The following NCOA3 variants were observed in gnomAD, a reference collection of about 807,000 sequenced individuals.
NCOA3 encodes CBP-interacting protein.
Under a neutral mutation model 158.8 loss-of-function variants are expected in NCOA3, and 51 were observed. The observed-to-expected ratio is 0.32, with a 90% CI of 0.26 to 0.41. The LOEUF (loss-of-function observed/expected upper bound fraction) is 0.41, where lower values mean the gene tolerates loss of function less well. Ranked by LOEUF, NCOA3 falls within the 10% of genes least tolerant of loss-of-function variation. The pLI, the probability that NCOA3 is intolerant of heterozygous loss-of-function variation, is 1.00. For synonymous variants in NCOA3, 537 were observed against 592.4 expected (o/e 0.91, Z 1.36); for missense variants, 1,510 against 1,746.6 (o/e 0.86, Z 2.41).
intron 1 of NCOA3, among the ~76,000 whole-genome samples, chr20:47,526,146 C>T (rs2084442930): frequency 2.0e-5 from 3 of 148,914 alleles, no homozygotes; most frequent in South Asian, 2.1e-4. Context: ...GAGGTGCTCC[C>T]CACATCTCAG....
intron 3 of NCOA3, among the ~76,000 whole-genome samples, chr20:47,623,489 T>C (rs561439284): frequency 6.6e-6 from 1 of 152,224 alleles, no homozygotes; most frequent in Admixed American, 6.5e-5. Context: ...TTAGTTTGTT[T>C]ACATATGAAA....
At chr20:47,521,962 G>A (rs2084341630) in intron 1 of NCOA3, among the ~76,000 whole-genome samples, 1 of 151,930 alleles carries the variant, frequency 6.6e-6, no homozygotes, top group African/African-American at 2.4e-5. Flanking sequence ...GCATTGAATC[G>A]GTTGATCAAT....
At chr20:47,639,465 A>G in intron 14 of NCOA3, 112 bp from the exon 15 acceptor site, 1 of 1,403,120 alleles carries the variant, frequency 7.1e-7, no homozygotes, top group Non-Finnish European at 9.7e-7. Flanking sequence ...TCTTACCATG[A>G]CAAAGTGCTG....
intron 2 of NCOA3, among the ~76,000 whole-genome samples, chr20:47,586,377 G>A (rs1275755276): frequency 6.6e-6 from 1 of 151,656 alleles, no homozygotes; most frequent in Non-Finnish European, 1.5e-5. Flanking sequence ...TTCTACCCAC[G>A]TAAACACACA....
At chr20:47,539,992 C>T (rs550441087) in intron 1 of NCOA3, among the ~76,000 whole-genome samples, 2 of 152,214 alleles carry the variant, frequency 1.3e-5, no homozygotes, top group South Asian at 4.2e-4. Flanking sequence ...ATCATGAAAC[C>T]TTCTAGAGTT....
intron 2 of NCOA3, among the ~76,000 whole-genome samples, chr20:47,587,990 T>C (rs1227989390): frequency 1.3e-5 from 2 of 152,256 alleles, no homozygotes; most frequent in East Asian, 3.9e-4. Flanking sequence ...GTTTTTTCAT[T>C]TCACTGCAAT....
Position 47,511,550 on chromosome 20 carries a change from T to TATATATATATATATACATACACACAC in NCOA3, c.-99+9537_-99+9538insATATATATACATACACACACATATAT. ...ATATATATATATATATATATATATA[T>TATATATATATATATACATACACACAC]ATATATTTCTTTTTTTTTTTGAGAC... On this transcript the variant is annotated intron_variant, in intron 1 of 22. Coordinates refer to ENST00000371998, the MANE Select transcript of NCOA3 (RefSeq NM_181659.3). 1.1e-3 allele frequency among the ~76,000 whole-genome samples: 56 copies of TATATATATATATATACATACACACAC among 52,264 alleles called. 1 individual carries two copies. Among genetic ancestry groups the TATATATATATATATACATACACACAC allele is most frequent in the African/African-American group, 2.8e-3 (52 of 18,676 alleles). The allele number at this position is 52,264 out of a possible 152,430, so 34.3% of individuals were successfully genotyped here. A position where few individuals can be genotyped will look rare whatever the true frequency, so the allele number is the denominator to read the frequency against.
At chr20:47,586,871 A>G (rs919090281) in intron 2 of NCOA3, among the ~76,000 whole-genome samples, 1 of 152,236 alleles carries the variant, frequency 6.6e-6, no homozygotes, top group African/African-American at 2.4e-5. Context: ...AGATGGAGTC[A>G]TATGACGTCC....
At chr20:47,587,325 A>G (rs1602443659) in intron 2 of NCOA3, among the ~76,000 whole-genome samples, 1 of 152,384 alleles carries the variant, frequency 6.6e-6, no homozygotes, top group Middle Eastern at 3.4e-3. Context: ...TAAAAGTTTT[A>G]GAGACCAAGA....
At chr20:47,620,996 CTAA>C (rs1231526190) in intron 2 of NCOA3, among the ~76,000 whole-genome samples, 1 of 152,214 alleles carries the variant, frequency 6.6e-6, no homozygotes, top group Non-Finnish European at 1.5e-5. Flanking sequence ...TGTGCCACTA[CTAA>C]TAATAGTGAG....
In NCOA3 at chr20:47,656,495, C is replaced by A. The variant is rs531505941; in HGVS notation, c.*3078C>A. 1.2e-4 allele frequency: 18 copies of A among 152,482 alleles called. No individual in the cohort carries two copies. Among genetic ancestry groups the A allele is most frequent in the African/African-American group, 4.3e-4 (18 of 41,556 alleles). 9.4% of individuals were successfully genotyped at this position (152,482 alleles called of 1,614,324 possible). On this transcript the variant is annotated 3_prime_UTR_variant, in exon 23 of 23. Transcript: ENST00000371998. ...GTTACATGTATGCCTGCCCAGTTCCCTTTTTATTTGCAGAAGCTGTGAGTT... is the reference window on the plus strand; with the variant it reads ...GTTACATGTATGCCTGCCCAGTTCCATTTTTATTTGCAGAAGCTGTGAGTT...
chr20:47,636,166 A>C lies in NCOA3; in HGVS notation c.1780A>C (p.Ser594Arg). 2 of 1,614,250 alleles carry C rather than the reference A, an allele frequency of 1.2e-6. No individual in the cohort carries two copies. Among genetic ancestry groups the C allele is most frequent in the Non-Finnish European group, 1.7e-6 (2 of 1,180,046 alleles). ...MCQSNSRDHLSDKESKESSVE... is the reference protein window; with the variant it reads ...MCQSNSRDHLRDKESKESSVE... ...TCAGTCAAATAGCAGAGATCACCTCAGTGACAAAGAAAGTAAGGAGAGCAG... is the reference window on the plus strand; with the variant it reads ...TCAGTCAAATAGCAGAGATCACCTCCGTGACAAAGAAAGTAAGGAGAGCAG... The change falls in exon 12 of 23, where the codon AGT becomes CGT. Residue 594 changes from serine to arginine, a missense_variant. Physicochemically the swap from Ser to Arg is moderately radical, Grantham distance 110 (BLOSUM62 -1). Coordinates refer to ENST00000371998, the MANE Select transcript of NCOA3 (RefSeq NM_181659.3).
chr20:47,516,986 G>C (rs1422819691), intron 1 of NCOA3, among the ~76,000 whole-genome samples: 1 of 151,956 alleles, frequency 6.6e-6, no homozygotes, highest in Admixed American at 6.6e-5. Context: ...ACTTTGAGAG[G>C]CCTAGACGGA....
chr20:47,532,956 A>G (rs2084569950), intron 1 of NCOA3, among the ~76,000 whole-genome samples: 1 of 151,786 alleles, frequency 6.6e-6, no homozygotes, highest in Admixed American at 6.6e-5. Flanking sequence ...ATACAAAAAA[A>G]TTAGCCACAC....
intron 2 of NCOA3, among the ~76,000 whole-genome samples, chr20:47,611,388 C>T (rs1156822025): frequency 6.6e-6 from 1 of 152,124 alleles, no homozygotes; most frequent in Non-Finnish European, 1.5e-5. Context: ...TTATATGCCA[C>T]AGGGACAAAC....
intron 2 of NCOA3, among the ~76,000 whole-genome samples, chr20:47,585,926 G>GTTTT (rs61328257): frequency 1.5e-5 from 2 of 135,600 alleles, no homozygotes; most frequent in Non-Finnish European, 1.6e-5. Flanking sequence ...ATCTCCACAG[G>GTTTT]TTTTTTTTTT....
intron 10 of NCOA3, 50 bp downstream of exon 10, chr20:47,634,245 A>C: frequency 3.9e-6 from 6 of 1,541,268 alleles, no homozygotes; most frequent in Non-Finnish European, 5.3e-6. Context: ...CAGTGTTCTC[A>C]AAATGCTTTA....
At chr20:47,522,423 T>C (rs188975051) in intron 1 of NCOA3, among the ~76,000 whole-genome samples, 1,705 of 143,208 alleles carry the variant, frequency 0.012, 22 homozygotes, top group Non-Finnish European at 0.02. Flanking sequence ...TTTTTTTTTT[T>C]TGTGGTTTTA....
At chr20:47,569,974 C>T (rs1318910243) in intron 1 of NCOA3, among the ~76,000 whole-genome samples, 3 of 151,958 alleles carry the variant, frequency 2.0e-5, no homozygotes, top group African/African-American at 2.4e-5. Flanking sequence ...CACGCCACTG[C>T]GCTCCAGCCT....
Sources: gnomAD v4.1 joint callset for allele counts (sites outside exome capture counted in the v4.1 genomes callset) on GRCh38, gnomAD v4.1.1 for gene constraint, MANE v1.5 for transcripts, NCBI Gene and HGNC (gene_info 2026-07-23, HGNC 2026-07-21) for gene names.